DCLK2: variants seen among roughly 807,000 people sequenced by gnomAD.
DCLK2 encodes the protein serine/threonine-protein kinase DCLK2.
Under a neutral mutation model 78.4 loss-of-function variants are expected in DCLK2, and 31 were observed. The observed-to-expected ratio is 0.40, with a 90% CI of 0.30 to 0.53. The LOEUF is 0.53. Ranked by LOEUF, DCLK2 falls within the 20% of genes least tolerant of loss-of-function variation. The pLI, the probability that DCLK2 is intolerant of heterozygous loss-of-function variation, is 0.61. For missense variants in DCLK2, 872 were observed against 973.7 expected (o/e 0.90, Z 1.39); for synonymous variants, 407 against 374.9 (o/e 1.09, Z -0.99).
chr4:150,169,656 CAAAAAAAAA>C (rs60421412), intron 2 of DCLK2, among the ~76,000 whole-genome samples: 1 of 98,112 alleles, frequency 1.0e-5, no homozygotes, highest in African/African-American at 3.6e-5. Flanking sequence ...AACTCCGTCT[CAAAAAAAAA>C]AAAAAAAAGT....
At chr4:150,191,162 G>T (rs891856625) in intron 2 of DCLK2, among the ~76,000 whole-genome samples, 2 of 152,040 alleles carry the variant, frequency 1.3e-5, no homozygotes, top group Non-Finnish European at 2.9e-5. Context: ...CACTGTGTGG[G>T]CAGGCAACCC....
At chr4:150,180,435 T>C (rs1737426043) in intron 2 of DCLK2, among the ~76,000 whole-genome samples, 1 of 152,222 alleles carries the variant, frequency 6.6e-6, no homozygotes, top group Admixed American at 6.5e-5. Context: ...TTGCCTTCTC[T>C]ATAACACTTA....
chr4:150,133,915 C>A (rs1402774994), intron 2 of DCLK2, among the ~76,000 whole-genome samples: 1 of 152,080 alleles, frequency 6.6e-6, no homozygotes, highest in Non-Finnish European at 1.5e-5. Flanking sequence ...CAAGGAAACT[C>A]ATGTAGCCCC....
At chr4:150,175,258 AT>A (rs1265460861) in intron 2 of DCLK2, among the ~76,000 whole-genome samples, 1 of 143,456 alleles carries the variant, frequency 7.0e-6, no homozygotes, top group Non-Finnish European at 1.5e-5. Flanking sequence ...TGTTCAGCAA[AT>A]TCCTGTGTTG....
At chr4:150,190,752 A>G (rs943767257) in intron 2 of DCLK2, among the ~76,000 whole-genome samples, 3 of 152,170 alleles carry the variant, frequency 2.0e-5, no homozygotes, top group Admixed American at 1.3e-4. Flanking sequence ...TATACTAAAA[A>G]AAACATTGAA....
intron 2 of DCLK2, among the ~76,000 whole-genome samples, chr4:150,168,824 G>A (rs943311811): frequency 6.6e-6 from 1 of 152,146 alleles, no homozygotes; most frequent in African/African-American, 2.4e-5. Context: ...GATCAGTTCT[G>A]CATTTTAGTT....
chr4:150,146,622 C>A (rs1560810691), intron 2 of DCLK2, among the ~76,000 whole-genome samples: 1 of 152,224 alleles, frequency 6.6e-6, no homozygotes, highest in East Asian at 1.9e-4. Context: ...TCTGTTGCAT[C>A]CCTAGTAAAG....
chr4:150,222,952 T>G (rs575029152), intron 7 of DCLK2, among the ~76,000 whole-genome samples: 1 of 152,012 alleles, frequency 6.6e-6, no homozygotes, highest in African/African-American at 2.4e-5. Context: ...AGACTCAGAG[T>G]CTTGGTTCAG....
chr4:150,255,290 G>A (rs1183516619), intron 15 of DCLK2, among the ~76,000 whole-genome samples: 1 of 152,196 alleles, frequency 6.6e-6, no homozygotes, highest in Non-Finnish European at 1.5e-5. Context: ...GCAGCTTGAT[G>A]GGCTTCCCTG....
chr4:150,176,927 C>A (rs1435926535), intron 2 of DCLK2, among the ~76,000 whole-genome samples: 1 of 152,158 alleles, frequency 6.6e-6, no homozygotes, highest in Non-Finnish European at 1.5e-5. Context: ...TTAATTGACA[C>A]CCCTAGAGAT....
chr4:150,136,976 C>CTTTTTT, intron 2 of DCLK2, among the ~76,000 whole-genome samples: 1 of 110,702 alleles, frequency 9.0e-6, no homozygotes, highest in African/African-American at 3.2e-5. Flanking sequence ...TCTTCTTCTT[C>CTTTTTT]TTCTTTTTTT....
chr4:150,115,607 G>A (rs926367764), intron 2 of DCLK2, among the ~76,000 whole-genome samples: 5 of 152,004 alleles, frequency 3.3e-5, no homozygotes, highest in African/African-American at 1.2e-4. Context: ...TTTCAGGGAT[G>A]AAGACACTGT....
intron 5 of DCLK2, among the ~76,000 whole-genome samples, chr4:150,219,583 AAGGT>A (rs1363669365): frequency 6.6e-6 from 1 of 152,150 alleles, no homozygotes; most frequent in Non-Finnish European, 1.5e-5. Context: ...CACTCATTTC[AAGGT>A]TCTGTGCTAG....
chr4:150,256,369 C>T lies in DCLK2; in HGVS notation c.*122C>T, dbSNP rs371224864. 7.6e-7 allele frequency: 1 copy of T among 1,316,094 alleles called. No individual in the cohort carries two copies. 81.5% of individuals were successfully genotyped at this position (1,316,094 alleles called of 1,614,324 possible). A position where few individuals can be genotyped will look rare whatever the true frequency, so the allele number is the denominator to read the frequency against. ...ACCGCCTGCGCCTGAGTTCGCGGGTCCTCCGCAGGCCGCCTGGGAACCGGA... is the reference window on the plus strand; with the variant it reads ...ACCGCCTGCGCCTGAGTTCGCGGGTTCTCCGCAGGCCGCCTGGGAACCGGA... On this transcript the variant is annotated 3_prime_UTR_variant, in exon 16 of 16. Coordinates refer to ENST00000296550, the MANE Select transcript of DCLK2 (RefSeq NM_001040260.4).
intron 2 of DCLK2, among the ~76,000 whole-genome samples, chr4:150,169,937 A>G (rs1165179648): frequency 6.6e-6 from 1 of 152,236 alleles, no homozygotes; most frequent in Non-Finnish European, 1.5e-5. Flanking sequence ...GGCCAAATTT[A>G]TTTAACAGGA....
intron 2 of DCLK2, among the ~76,000 whole-genome samples, chr4:150,141,637 A>G (rs924092115): frequency 1.2e-4 from 19 of 152,206 alleles, no homozygotes; most frequent in African/African-American, 3.9e-4. Flanking sequence ...AATGTATCTA[A>G]GCAGGTCATG....
At position 150,175,052 on chromosome 4, in the gene DCLK2, T is replaced by TTATATATATATTTATATATATTTA. The variant is rs1736897680; in HGVS notation, c.757-18080_757-18057dup. Among the ~76,000 whole-genome samples, 2 of 27,764 alleles carry TTATATATATATTTATATATATTTA rather than the reference T, an allele frequency of 7.2e-5. 1 individual carries two copies. Among genetic ancestry groups the TTATATATATATTTATATATATTTA allele is most frequent in the African/African-American group, 2.3e-4 (2 of 8,798 alleles). The allele number at this position is 27,764 out of a possible 152,430, so 18.2% of individuals were successfully genotyped here. A position where few individuals can be genotyped will look rare whatever the true frequency, so the allele number is the denominator to read the frequency against. On this transcript the variant is annotated intron_variant, in intron 2 of 15. Coordinates refer to ENST00000296550, the MANE Select transcript of DCLK2 (RefSeq NM_001040260.4). ...TATATATTTATATATATTTATATATTTATATATATATTTATATATATTTAT... is the reference window on the plus strand; with the variant it reads ...TATATATTTATATATATTTATATATTTATATATATATTTATATATATTTATATATATATATTTATATATATTTAT...
Position 150,079,435 on chromosome 4 carries a change from C to A in DCLK2, c.408C>A (p.Asp136Glu). Residue 136 changes from aspartate (D) to glutamate (E), a missense_variant, in exon 1 of 16, where the codon GAC (aspartate) becomes GAA (glutamate). Around this residue, in one of 3 missense-constraint regions of DCLK2, gnomAD observed 567 missense variants for 593.4 expected, o/e 0.96. Coordinates refer to ENST00000296550, the MANE Select transcript of DCLK2 (RefSeq NM_001040260.4). ...IDGSRKVTSL[D>E]ELLEGESYVC... ...GCAGCCGGAAGGTCACCAGCCTGGA[C>A]GAGCTGCTGGAAGGTAGGAGGGGAG... The A allele has an allele frequency of 6.5e-7, 1 of 1,527,864 alleles. No individual in the cohort carries two copies. Among genetic ancestry groups the A allele is most frequent in the East Asian group, 2.4e-5 (1 of 41,146 alleles). The allele number at this position is 1,527,864 out of a possible 1,614,324, so 94.6% of individuals were successfully genotyped here. A position where few individuals can be genotyped will look rare whatever the true frequency, so the allele number is the denominator to read the frequency against.
At chr4:150,149,037 C>CAAAAAAAA (rs11407877) in intron 2 of DCLK2, among the ~76,000 whole-genome samples, 2 of 104,718 alleles carry the variant, frequency 1.9e-5, no homozygotes, top group Non-Finnish European at 1.9e-5. Flanking sequence ...CAGACTGTCT[C>CAAAAAAAA]AAAAAAAAAA....
Sources: gnomAD v4.1 joint callset for allele counts (sites outside exome capture counted in the v4.1 genomes callset) on GRCh38, gnomAD v4.1.1 for gene constraint, gnomAD v4.1.1 regional missense constraint, MANE v1.5 for transcripts, NCBI Gene and HGNC (gene_info 2026-07-23, HGNC 2026-07-21) for gene names.